Variants in L3MBTL4 observed in about 807,000 individuals in gnomAD.
L3MBTL4 encodes lethal(3)malignant brain tumor-like protein 4.
Under a neutral mutation model 84.5 loss-of-function variants are expected in L3MBTL4, and 70 were observed. The observed-to-expected ratio is 0.83, with a 90% confidence interval of 0.68 to 1.01. The LOEUF (loss-of-function observed/expected upper bound fraction) is 1.01. Ranked by LOEUF, L3MBTL4 falls within the 50% of genes least tolerant of loss-of-function variation. L3MBTL4 has a pLI of 0.00. For synonymous variants in L3MBTL4, 274 were observed against 259.8 expected, an observed-to-expected ratio of 1.05 and a Z score of -0.52; for missense variants, 715 against 754.8, an observed-to-expected ratio of 0.95 and a Z score of 0.62.
At chr18:6,330,020 G>C (rs1273815523) in intron 1 of L3MBTL4, among the ~76,000 whole-genome samples, 3 of 152,188 alleles carry the variant, frequency 2.0e-5, no homozygotes, top group Admixed American at 2.0e-4. Context: ...CTCTTGTATA[G>C]TATTGTAGTA....
chr18:6,069,276 T>C (rs2057500409), intron 16 of L3MBTL4, among the ~76,000 whole-genome samples: 1 of 152,170 alleles, frequency 6.6e-6, no homozygotes. Context: ...TGAGGTCACA[T>C]AGTCATTTTC....
chr18:6,393,276 T>C (rs341222), intron 1 of L3MBTL4, among the ~76,000 whole-genome samples: 82 of 152,264 alleles, frequency 5.4e-4, no homozygotes, highest in African/African-American at 1.9e-3. Context: ...GGACAGAAAC[T>C]TAGCCCCAAA....
chr18:6,348,854 C>T (rs867860379), intron 1 of L3MBTL4, among the ~76,000 whole-genome samples: 1 of 152,082 alleles, frequency 6.6e-6, no homozygotes, highest in African/African-American at 2.4e-5. Context: ...TACAAATTGA[C>T]GATGATAGCA....
intron 13 of L3MBTL4, among the ~76,000 whole-genome samples, chr18:6,163,268 G>T (rs908285325): frequency 5.5e-4 from 49 of 89,050 alleles, no homozygotes; most frequent in South Asian, 1.2e-3. Flanking sequence ...GTGGGGGGGG[G>T]GTGGGTGTGT....
intron 14 of L3MBTL4, among the ~76,000 whole-genome samples, chr18:6,101,387 T>C (rs1182500460): frequency 1.3e-5 from 2 of 152,104 alleles, no homozygotes; most frequent in Admixed American, 6.5e-5. Context: ...TAGAGAAAAA[T>C]ATGTCTATTC....
intron 10 of L3MBTL4, among the ~76,000 whole-genome samples, chr18:6,235,020 A>G (rs8089177): frequency 0.078 from 11,933 of 152,164 alleles, 1,575 homozygotes; most frequent in African/African-American, 0.27. Flanking sequence ...ATTTTTTAGG[A>G]ACATGGATGA....
chr18:6,167,311 T>C (rs2043722077), intron 13 of L3MBTL4, among the ~76,000 whole-genome samples: 1 of 152,198 alleles, frequency 6.6e-6, no homozygotes, highest in Admixed American at 6.5e-5. Flanking sequence ...GAGGGAATCC[T>C]CCCTAACTCA....
rs959168830 is a variant in L3MBTL4, at chr18:6,414,822, C to G, written c.-112G>C. On this transcript the variant is annotated 5_prime_UTR_variant, in exon 1 of 19. Coordinates refer to ENST00000317931, the MANE Select transcript of L3MBTL4 (RefSeq NM_001330559.2). The surrounding 1 kb of genome is among the most constrained non-coding windows in gnomAD (Gnocchi z 5.4). ...TTACCCCCAGCGGAGCGGCGCCTGC[C>G]CGCAACGCCGACCGAGCTACAGGCG... The G allele has an allele frequency of 1.1e-4, 16 of 151,138 alleles. No homozygotes were observed. Among genetic ancestry groups the G allele is most frequent in the Non-Finnish European group, 8.9e-5 (6 of 67,674 alleles). The allele number at this position is 151,138 out of a possible 1,614,324, so 9.4% of individuals were successfully genotyped here.
intron 1 of L3MBTL4, among the ~76,000 whole-genome samples, chr18:6,314,073 GA>G (rs2050969274): frequency 7.5e-6 from 1 of 132,720 alleles, no homozygotes. Flanking sequence ...TAGATAGATA[GA>G]TAGATAGATA....
At chr18:6,380,330 AATCTTCATTATTTCTTGTCTT>A in intron 1 of L3MBTL4, among the ~76,000 whole-genome samples, 1 of 151,958 alleles carries the variant, frequency 6.6e-6, no homozygotes, top group East Asian at 1.9e-4. Flanking sequence ...GTTCTGCTCT[AATCTTCATTATTTCTTGTCTT>A]CTGCTACCTT....
intron 12 of L3MBTL4, among the ~76,000 whole-genome samples, chr18:6,178,824 G>T (rs186413980): frequency 4.6e-5 from 7 of 152,280 alleles, no homozygotes; most frequent in Admixed American, 1.3e-4. Context: ...ACTTCCAGCC[G>T]TCTGCACCAA....
chr18:6,103,127 A>G (rs1472489539), intron 14 of L3MBTL4, among the ~76,000 whole-genome samples: 11 of 152,216 alleles, frequency 7.2e-5, no homozygotes, highest in Admixed American at 6.5e-4. Flanking sequence ...TAATTTATGC[A>G]TGGAGAAGAT....
chr18:5,971,956 A>C (rs2052661583), intron 16 of L3MBTL4, among the ~76,000 whole-genome samples: 2 of 152,230 alleles, frequency 1.3e-5, no homozygotes, highest in African/African-American at 4.8e-5. Flanking sequence ...ATGGCTTTTG[A>C]ATACAGTTAC....
intron 12 of L3MBTL4, among the ~76,000 whole-genome samples, chr18:6,181,411 T>C (rs991420630): frequency 6.6e-6 from 1 of 151,996 alleles, no homozygotes; most frequent in Non-Finnish European, 1.5e-5. Flanking sequence ...CTGCAACCTC[T>C]GTTTCCTGGG....
chr18:6,083,900 T>C (rs574975350), intron 15 of L3MBTL4, among the ~76,000 whole-genome samples: 29 of 152,300 alleles, frequency 1.9e-4, no homozygotes, highest in Admixed American at 6.5e-4. Context: ...GTTCTTTCCC[T>C]AGGATTTCCT....
chr18:5,981,220 A>T (rs1367956795), intron 16 of L3MBTL4, among the ~76,000 whole-genome samples: 2 of 152,228 alleles, frequency 1.3e-5, no homozygotes, highest in African/African-American at 4.8e-5. Context: ...ATATGGGTCA[A>T]ATAGAAAATA....
At chr18:6,071,744 GGA>G (rs2057629194) in intron 16 of L3MBTL4, among the ~76,000 whole-genome samples, 3 of 40,062 alleles carry the variant, frequency 7.5e-5, no homozygotes, top group African/African-American at 1.4e-4. Flanking sequence ...AAAGAAGGAA[GGA>G]AAGAAAGAAA....
chr18:6,413,965 A>C (rs1271105273), intron 1 of L3MBTL4: 4 of 152,362 alleles, frequency 2.6e-5, no homozygotes, highest in African/African-American at 4.8e-5. Context: ...CCCACCCGGA[A>C]TTTGCGACCT....
chr18:6,068,460 C>A (rs2057469280), intron 16 of L3MBTL4, among the ~76,000 whole-genome samples: 1 of 152,150 alleles, frequency 6.6e-6, no homozygotes, highest in Non-Finnish European at 1.5e-5. Flanking sequence ...CCCTGCCAGG[C>A]AAGCAGGAAA....
Sources: allele counts gnomAD v4.1 joint callset (sites outside exome capture counted in the v4.1 genomes callset), GRCh38; gene constraint gnomAD v4.1.1; non-coding constraint Gnocchi (gnomAD v3.1); transcripts MANE v1.5; gene names NCBI Gene and HGNC (gene_info 2026-07-23, HGNC 2026-07-21).